Variants in SLC35E4 observed in about 807,000 individuals in gnomAD.
SLC35E4 encodes solute carrier family 35, member E4.
A neutral mutation model predicts 19.3 loss-of-function variants in SLC35E4; 15 were observed. The ratio of observed to expected loss-of-function variants is 0.78; its 90% CI spans 0.52 to 1.20. The LOEUF (loss-of-function observed/expected upper bound fraction) is 1.20, where lower values mean the gene tolerates loss of function less well. SLC35E4 is among the 50% of genes most tolerant of loss of function. The pLI, the probability that SLC35E4 is intolerant of heterozygous loss-of-function variation, is 0.00. For missense variants in SLC35E4, 406 were observed against 472.3 expected (o/e 0.86, Z 1.30); for synonymous variants, 219 against 219.9 (o/e 1.00, Z 0.04).
chr22:30,655,643 G>T (rs1178772822), intron 2 of SLC35E4, among the ~76,000 whole-genome samples: 1 of 152,052 alleles, frequency 6.6e-6, no homozygotes, highest in African/African-American at 2.4e-5. Flanking sequence ...AAGGAATCTG[G>T]TTTCAGCATA....
downstream of SLC35E4, among the ~76,000 whole-genome samples, chr22:30,666,467 C>T (rs1210753206): frequency 6.6e-6 from 1 of 151,826 alleles, no homozygotes; most frequent in Non-Finnish European, 1.5e-5. Context: ...ACTAAAAATA[C>T]AAAAATTAGC....
intron 2 of SLC35E4, chr22:30,654,359 C>T: frequency 4.3e-6 from 2 of 463,792 alleles, no homozygotes; most frequent in South Asian, 3.1e-5. Flanking sequence ...GTGGCTGTCA[C>T]TGTCTGGTAC....
chr22:30,663,977 TG>T (rs1569072606), downstream of SLC35E4: 1 of 1,613,906 alleles, frequency 6.2e-7, no homozygotes, highest in Admixed American at 1.7e-5. Flanking sequence ...GGAACTGAAC[TG>T]GGAAGGCACA....
chr22:30,658,078 C>A (rs914996523), intron 2 of SLC35E4, among the ~76,000 whole-genome samples: 2 of 151,286 alleles, frequency 1.3e-5, no homozygotes, highest in African/African-American at 4.9e-5. Context: ...CAGTATCTAG[C>A]CTGGGCAACA....
intron 2 of SLC35E4, among the ~76,000 whole-genome samples, chr22:30,661,133 G>A (rs2088453096): frequency 6.6e-6 from 1 of 151,954 alleles, no homozygotes; most frequent in Admixed American, 6.6e-5. Flanking sequence ...GAGCCACCAC[G>A]CCCGGCCTCA....
At chr22:30,668,929 G>C (rs1283509752) in exon 3 of SLC35E4, 1 of 152,132 alleles carries the variant, frequency 6.6e-6, no homozygotes, top group Non-Finnish European at 1.5e-5. Flanking sequence ...TCTAGTATTG[G>C]TAAATTTTTT....
At chr22:30,649,004 C>G (rs1310037427), downstream of SLC35E4, among the ~76,000 whole-genome samples, 1 of 152,198 alleles carries the variant, frequency 6.6e-6, no homozygotes, top group Non-Finnish European at 1.5e-5. Flanking sequence ...TTATTTACCT[C>G]TGAGCCTTTC....
chr22:30,639,467 G>A (rs1249173814), intron 1 of SLC35E4, among the ~76,000 whole-genome samples: 2 of 152,140 alleles, frequency 1.3e-5, no homozygotes, highest in Non-Finnish European at 2.9e-5. Context: ...CAGACAACCA[G>A]TCTGACCAAA....
intron 1 of SLC35E4, among the ~76,000 whole-genome samples, chr22:30,638,305 G>C (rs2087981854): frequency 6.6e-6 from 1 of 151,050 alleles, no homozygotes; most frequent in Admixed American, 6.6e-5. Flanking sequence ...TTCAAGAACA[G>C]ACTAACCAAG....
At chr22:30,654,509 C>A (rs1015716603) in intron 2 of SLC35E4, 3 of 426,814 alleles carry the variant, frequency 7.0e-6, no homozygotes, top group South Asian at 5.2e-5. Flanking sequence ...CACCTTGAGG[C>A]GGTCTTGGGC....
downstream of SLC35E4, chr22:30,663,971 C>T (rs150392282): frequency 1.2e-6 from 2 of 1,614,122 alleles, no homozygotes; most frequent in South Asian, 1.1e-5. Context: ...GCTGCCGGAA[C>T]TGAACTGGGA....
downstream of SLC35E4, among the ~76,000 whole-genome samples, chr22:30,651,413 ATATATATATATATATTTTTTTTTTT>A: frequency 1.5e-5 from 1 of 64,742 alleles, no homozygotes; most frequent in African/African-American, 8.3e-5. Context: ...ATATATATAT[ATATATATATATATATTTTTTTTTTT>A]TTTTTTTTTT....
chr22:30,655,505 TC>T (rs1397211715), intron 2 of SLC35E4, among the ~76,000 whole-genome samples: 1 of 148,416 alleles, frequency 6.7e-6, no homozygotes, highest in East Asian at 2.0e-4. Flanking sequence ...CAACAAAATA[TC>T]CTTTTTTTTT....
At chr22:30,649,197 C>T (rs757045991), downstream of SLC35E4, 4 of 716,750 alleles carry the variant, frequency 5.6e-6, no homozygotes, top group Non-Finnish European at 1.0e-5. Flanking sequence ...AACTGATGAT[C>T]CCTATGGAGA....
chr22:30,640,842 CA>C, intron 1 of SLC35E4, among the ~76,000 whole-genome samples: 1 of 152,078 alleles, frequency 6.6e-6, no homozygotes, highest in Non-Finnish European at 1.5e-5. Context: ...TCCTGTGACC[CA>C]GGCCTGGGAG....
intron 1 of SLC35E4, among the ~76,000 whole-genome samples, chr22:30,642,955 G>A (rs377276819): frequency 2.0e-5 from 3 of 149,496 alleles, no homozygotes; most frequent in South Asian, 2.1e-4. Flanking sequence ...GCGTGAACCC[G>A]GGAGGCGGAG....
chr22:30,636,985 G>T lies in SLC35E4; in HGVS notation c.535G>T (p.Ala179Ser). ...PLCLGAACSL[A>S]GEFRTPPTGC... Reference sequence around the variant, plus strand: ...CTGCCTGGGGGCCGCCTGCAGCCTGGCTGGAGAGTTCCGGACACCCCCTAC... The same window carrying T: ...CTGCCTGGGGGCCGCCTGCAGCCTGTCTGGAGAGTTCCGGACACCCCCTAC... Residue 179 changes from alanine to serine, a missense_variant, in exon 1 of 2, where the codon GCT (alanine) becomes TCT (serine). Transcript: ENST00000343605. 1 of 1,611,700 alleles carries T rather than the reference G, an allele frequency of 6.2e-7. No individual in the cohort carries two copies. Among genetic ancestry groups the T allele is most frequent in the Non-Finnish European group, 8.5e-7 (1 of 1,178,974 alleles).
chr22:30,657,495 G>A (rs1031763451), intron 2 of SLC35E4, among the ~76,000 whole-genome samples: 2 of 147,278 alleles, frequency 1.4e-5, no homozygotes, highest in East Asian at 2.1e-4. Context: ...GTAGTGGGTC[G>A]CGCCTATAAT....
downstream of SLC35E4, chr22:30,667,302 G>A (rs1295509679): frequency 6.6e-6 from 1 of 152,220 alleles, no homozygotes; most frequent in Non-Finnish European, 1.5e-5. Flanking sequence ...AAACACCGCG[G>A]GGCGTTCGTG....
Sources: gnomAD v4.1 joint callset for allele counts (sites outside exome capture counted in the v4.1 genomes callset) on GRCh38, gnomAD v4.1.1 for gene constraint, MANE v1.5 for transcripts, NCBI Gene and HGNC (gene_info 2026-07-23, HGNC 2026-07-21) for gene names.